ATP8A2: variants seen among roughly 807,000 people sequenced by gnomAD.
ATP8A2 encodes ATPase phospholipid transporting 8A2.
In ATP8A2, 100 loss-of-function variants were observed where a neutral mutation model predicts 165.6. The observed-to-expected ratio is 0.60, with a 90% CI of 0.51 to 0.71. The LOEUF (loss-of-function observed/expected upper bound fraction) is 0.71. ATP8A2 is among the 30% of genes least tolerant of loss of function. ATP8A2 has a pLI of 0.00. For synonymous variants in ATP8A2, 543 were observed against 548.8 expected (o/e 0.99, Z 0.15); for missense variants, 1,227 against 1,479.5 (o/e 0.83, Z 2.80).
chr13:25,602,676 A>T (rs2138381081), intron 24 of ATP8A2, among the ~76,000 whole-genome samples: 1 of 152,314 alleles, frequency 6.6e-6, no homozygotes, highest in East Asian at 1.9e-4. Flanking sequence ...GAGAGACAGC[A>T]TGAACTCATC....
intron 1 of ATP8A2, among the ~76,000 whole-genome samples, chr13:25,450,859 G>A (rs1593324625): frequency 6.6e-6 from 1 of 152,050 alleles, no homozygotes. Context: ...CTGGGCTCAA[G>A]TGATCCTCCT....
rs115352529 is a variant in ATP8A2 at position 25,921,238 on chromosome 13, T to C, written c.3184-40337T>C. Reference sequence around the variant, plus strand: ...ATTTAACAGTGAGGCTAAAAGACTTTTCCTACAAAACAGTATGCTAATATT... The same window carrying C: ...ATTTAACAGTGAGGCTAAAAGACTTCTCCTACAAAACAGTATGCTAATATT... On this transcript the variant is annotated intron_variant, in intron 33 of 36. Coordinates refer to ENST00000381655, the MANE Select transcript of ATP8A2 (RefSeq NM_016529.6). 4.4e-3 allele frequency among the ~76,000 whole-genome samples: 675 copies of C among 152,284 alleles called. 5 individuals are homozygous for C. The highest frequency in any genetic ancestry group is 0.015 in the African/African-American group (616 of 41,554).
rs200723564 is a variant in ATP8A2 at position 25,889,245 on chromosome 13, C to CATATATATATATATATATATATAT, written c.3183+26843_3183+26866dup. ...TTAAATTTGTTTGCTCATCCTTTGTCATATATATATATATATATATATATA... is the reference window on the plus strand; with the variant it reads ...TTAAATTTGTTTGCTCATCCTTTGTCATATATATATATATATATATATATATATATATATATATATATATATATA... On this transcript the variant is annotated intron_variant, in intron 33 of 36. Transcript: ENST00000381655. 1.5e-3 allele frequency among the ~76,000 whole-genome samples: 161 copies of CATATATATATATATATATATATAT among 109,868 alleles called. 2 individuals carry two copies. Among genetic ancestry groups the CATATATATATATATATATATATAT allele is most frequent in the Admixed American group, 1.7e-3 (17 of 9,902 alleles). 72.1% of individuals were successfully genotyped at this position (109,868 alleles called of 152,430 possible).
At chr13:25,798,316 A>G (rs1039210729) in intron 27 of ATP8A2, among the ~76,000 whole-genome samples, 3 of 152,190 alleles carry the variant, frequency 2.0e-5, no homozygotes, top group African/African-American at 7.2e-5. Context: ...AGCATTTGTT[A>G]TTTGTGAAAA....
At chr13:25,483,196 T>G (rs1273462879) in intron 2 of ATP8A2, among the ~76,000 whole-genome samples, 1 of 152,214 alleles carries the variant, frequency 6.6e-6, no homozygotes, top group Non-Finnish European at 1.5e-5. Flanking sequence ...TTGGGATGGT[T>G]AGCAGTGGGG....
intron 33 of ATP8A2, among the ~76,000 whole-genome samples, chr13:25,917,446 C>T (rs1954300410): frequency 1.3e-5 from 2 of 152,232 alleles, no homozygotes; most frequent in African/African-American, 2.4e-5. Flanking sequence ...ATTATATCTG[C>T]TCCTCATAGT....
intron 2 of ATP8A2, among the ~76,000 whole-genome samples, chr13:25,516,765 T>C (rs2037486291): frequency 6.6e-6 from 1 of 151,504 alleles, no homozygotes; most frequent in South Asian, 2.1e-4. Context: ...TTTTCTTTCT[T>C]TCTTCCTTTC....
At chr13:25,986,378 G>A (rs1461870645) in intron 35 of ATP8A2, among the ~76,000 whole-genome samples, 1 of 152,120 alleles carries the variant, frequency 6.6e-6, no homozygotes, top group African/African-American at 2.4e-5. Flanking sequence ...CTCACTTCTT[G>A]ACCCCGGGTA....
chr13:25,977,448 C>G (rs976527446), intron 35 of ATP8A2, among the ~76,000 whole-genome samples: 1 of 152,148 alleles, frequency 6.6e-6, no homozygotes, highest in African/African-American at 2.4e-5. Flanking sequence ...AAAGGCTGCC[C>G]GCATGACCCA....
intron 24 of ATP8A2, among the ~76,000 whole-genome samples, chr13:25,593,043 TC>T (rs376666653): frequency 5.6e-4 from 85 of 152,302 alleles, no homozygotes; most frequent in African/African-American, 1.9e-3. Context: ...TTCTACTCCT[TC>T]CTTGCCTTCT....
rs114119833 is a variant in ATP8A2 at position 25,757,459 on chromosome 13, A to T, written c.2385-11587A>T. On this transcript the variant is annotated intron_variant, in intron 25 of 36. Coordinates refer to ENST00000381655, the MANE Select transcript of ATP8A2 (RefSeq NM_016529.6). The stretch of plus-strand genomic sequence containing the variant: ...AGATTACAACACCAAAGTTGTCACT[A>T]CTTTAAATTCTATCCATGTGCCAGT... Among the ~76,000 whole-genome samples the T allele has an allele frequency of 2.9e-3, 442 of 152,032 alleles. 1 individual carries two copies. Among genetic ancestry groups the T allele is most frequent in the Middle Eastern group, 0.01 (3 of 294 alleles).
chr13:25,998,442 TTTTTC>T (rs1401482871), intron 35 of ATP8A2, among the ~76,000 whole-genome samples: 1 of 152,160 alleles, frequency 6.6e-6, no homozygotes, highest in Non-Finnish European at 1.5e-5. Context: ...GGGGGCCACC[TTTTTC>T]TCTGGGGTAT....
chr13:25,746,459 T>C (rs1420693596), intron 25 of ATP8A2, among the ~76,000 whole-genome samples: 1 of 152,258 alleles, frequency 6.6e-6, no homozygotes, highest in Non-Finnish European at 1.5e-5. Context: ...AATTTGAACC[T>C]GGAAGGACTT....
intron 2 of ATP8A2, among the ~76,000 whole-genome samples, chr13:25,476,332 C>G (rs189366882): frequency 7.9e-4 from 120 of 151,680 alleles, no homozygotes; most frequent in Admixed American, 2.1e-3. Flanking sequence ...ATTGGCCAGG[C>G]TAGAGTGCAG....
chr13:25,391,669 A>G (rs1360768228), intron 1 of ATP8A2, among the ~76,000 whole-genome samples: 1 of 152,260 alleles, frequency 6.6e-6, no homozygotes, highest in Non-Finnish European at 1.5e-5. Flanking sequence ...AGTACAAAAA[A>G]TAGCTAAAGC....
intron 25 of ATP8A2, among the ~76,000 whole-genome samples, chr13:25,713,524 C>T (rs2043194739): frequency 1.3e-5 from 2 of 152,064 alleles, no homozygotes; most frequent in African/African-American, 4.8e-5. Flanking sequence ...TTGCCTTGTA[C>T]CGAGATTCTC....
intron 2 of ATP8A2, among the ~76,000 whole-genome samples, chr13:25,469,768 A>G (rs1372213554): frequency 6.6e-6 from 1 of 152,166 alleles, no homozygotes; most frequent in Admixed American, 6.5e-5. Flanking sequence ...TAAATAATGT[A>G]CCTATAGTCA....
At chr13:25,741,764 A>C (rs1040540713) in intron 25 of ATP8A2, among the ~76,000 whole-genome samples, 2 of 152,204 alleles carry the variant, frequency 1.3e-5, no homozygotes, top group Admixed American at 6.5e-5. Context: ...AGGGCTCAAC[A>C]TCACAGAATT....
At chr13:25,741,891 G>A (rs2043921081) in intron 25 of ATP8A2, among the ~76,000 whole-genome samples, 1 of 152,282 alleles carries the variant, frequency 6.6e-6, no homozygotes. Context: ...AATGCCTGAG[G>A]GCAGGTGCCA....
Sources: gnomAD v4.1 joint callset for allele counts (sites outside exome capture counted in the v4.1 genomes callset) on GRCh38, gnomAD v4.1.1 for gene constraint, MANE v1.5 for transcripts, NCBI Gene and HGNC (gene_info 2026-07-23, HGNC 2026-07-21) for gene names.